Variants in ARHGEF3 observed in about 807,000 individuals in gnomAD.
The protein encoded by ARHGEF3 is 59.8 kDA protein.
A neutral mutation model predicts 63.2 loss-of-function variants in ARHGEF3; 28 were observed. The observed-to-expected ratio is 0.44, with a 90% CI of 0.33 to 0.61. The LOEUF (loss-of-function observed/expected upper bound fraction) is 0.61, where lower values mean the gene tolerates loss of function less well. Among genes scored for constraint, ARHGEF3 ranks in the 20% least tolerant of loss-of-function variants. The probability of loss-of-function intolerance (pLI) is 0.03; values close to 1 mark genes in which losing one functional copy is unlikely to be tolerated. For missense variants in ARHGEF3, 533 were observed against 659.3 expected (o/e 0.81, Z 2.10); for synonymous variants, 266 against 254.2 (o/e 1.05, Z -0.44).
intron 3 of ARHGEF3, among the ~76,000 whole-genome samples, chr3:56,898,094 C>T (rs1005697200): frequency 1.3e-5 from 2 of 151,544 alleles, no homozygotes; most frequent in Admixed American, 6.6e-5. Flanking sequence ...TGCCCAGGCT[C>T]GTCTCGAACT....
In ARHGEF3 at chr3:57,054,350, G is replaced by A. The variant is rs148911380; in HGVS notation, c.-27-19174C>T. ...TATCCTTTTAAAATTGGGTTGTCAG[G>A]TAGGTACGGTGGCTCACACCTATAA... On this transcript the variant is annotated intron_variant, in intron 1 of 12. Coordinates refer to the ARHGEF3 transcript ENST00000338458. 3.7e-3 allele frequency among the ~76,000 whole-genome samples: 564 copies of A among 152,008 alleles called. 2 individuals carry two copies. Among genetic ancestry groups the A allele is most frequent in the Non-Finnish European group, 6.1e-3 (417 of 67,976 alleles).
At chr3:56,970,429 G>A (rs1272150283) in intron 2 of ARHGEF3, among the ~76,000 whole-genome samples, 1 of 152,150 alleles carries the variant, frequency 6.6e-6, no homozygotes, top group Non-Finnish European at 1.5e-5. Flanking sequence ...GGATTTGATG[G>A]AAGCGGCTTA....
chr3:57,061,239 G>C (rs1037499049), intron 1 of ARHGEF3, among the ~76,000 whole-genome samples: 3 of 152,122 alleles, frequency 2.0e-5, no homozygotes, highest in Non-Finnish European at 4.4e-5. Context: ...CTTTTCTCAT[G>C]TAGCATAATA....
intron 3 of ARHGEF3, among the ~76,000 whole-genome samples, chr3:56,889,574 C>A (rs1005684481): frequency 5.9e-5 from 9 of 152,246 alleles, no homozygotes; most frequent in African/African-American, 2.2e-4. Context: ...AACGCTGAAG[C>A]TCAGGAAGGT....
chr3:57,036,422 G>T (rs1436782015), intron 1 of ARHGEF3, among the ~76,000 whole-genome samples: 5 of 152,112 alleles, frequency 3.3e-5, no homozygotes, highest in African/African-American at 9.7e-5. Flanking sequence ...GACAGAGACA[G>T]TGTGCACAGG....
At chr3:56,729,914 G>A (rs980495443) in intron 9 of ARHGEF3, among the ~76,000 whole-genome samples, 1 of 152,172 alleles carries the variant, frequency 6.6e-6, no homozygotes, top group African/African-American at 2.4e-5. Context: ...GAGTACTGGT[G>A]ACCCAATCTG....
intron 3 of ARHGEF3, 152 bp from the exon 4 acceptor site, chr3:56,753,718 C>G (rs1049229657): frequency 1.5e-6 from 1 of 666,020 alleles, no homozygotes; most frequent in Non-Finnish European, 2.6e-6. Flanking sequence ...TATGCTTAAA[C>G]CTGCAATGAA....
chr3:57,044,787 G>A (rs994898458), intron 1 of ARHGEF3, among the ~76,000 whole-genome samples: 10 of 152,138 alleles, frequency 6.6e-5, no homozygotes, highest in African/African-American at 2.4e-4. Context: ...ACGAGGCTTG[G>A]TGGGGATACC....
intron 3 of ARHGEF3, among the ~76,000 whole-genome samples, chr3:56,944,942 A>G (rs1437278872): frequency 2.6e-5 from 4 of 152,192 alleles, no homozygotes; most frequent in African/African-American, 9.6e-5. Flanking sequence ...TCTTGAAATG[A>G]TAACAAAGGA....
chr3:57,032,943 T>A (rs545772846), intron 2 of ARHGEF3, among the ~76,000 whole-genome samples: 46 of 152,154 alleles, frequency 3.0e-4, no homozygotes, highest in African/African-American at 1.1e-3. Context: ...GGTGGATGGG[T>A]CCCTGTGGGG....
chr3:56,992,378 A>T (rs1701786730), intron 2 of ARHGEF3, among the ~76,000 whole-genome samples: 1 of 31,540 alleles, frequency 3.2e-5, no homozygotes, highest in Non-Finnish European at 5.2e-5. Flanking sequence ...ATGGCTTTAA[A>T]AAAAAAAAAA....
At chr3:56,858,449 G>C (rs1241916607) in intron 4 of ARHGEF3, among the ~76,000 whole-genome samples, 1 of 152,116 alleles carries the variant, frequency 6.6e-6, no homozygotes, top group Non-Finnish European at 1.5e-5. Flanking sequence ...TCAGCTCTGA[G>C]GATACTGAGC....
At chr3:56,878,505 T>G (rs1371297124) in intron 4 of ARHGEF3, among the ~76,000 whole-genome samples, 1 of 152,208 alleles carries the variant, frequency 6.6e-6, no homozygotes. Context: ...AGAATTCATT[T>G]TCCACCAAGT....
chr3:56,895,745 G>A (rs963365055), intron 3 of ARHGEF3, among the ~76,000 whole-genome samples: 3 of 152,142 alleles, frequency 2.0e-5, no homozygotes, highest in South Asian at 2.1e-4. Context: ...TTACAGGCAT[G>A]AGCCACCGCA....
chr3:57,055,272 C>T (rs1282426903), intron 1 of ARHGEF3, among the ~76,000 whole-genome samples: 1 of 151,704 alleles, frequency 6.6e-6, no homozygotes, highest in African/African-American at 2.4e-5. Flanking sequence ...AGCGATTCTC[C>T]TGCCTCAGCC....
At chr3:56,930,775 G>C (rs1427656514) in intron 3 of ARHGEF3, among the ~76,000 whole-genome samples, 1 of 152,074 alleles carries the variant, frequency 6.6e-6, no homozygotes, top group Non-Finnish European at 1.5e-5. Flanking sequence ...AAGGGAAATG[G>C]GCATTTATTG....
intron 1 of ARHGEF3, among the ~76,000 whole-genome samples, chr3:56,786,406 C>A (rs556789678): frequency 1.3e-5 from 2 of 152,248 alleles, no homozygotes; most frequent in Admixed American, 1.3e-4. Flanking sequence ...TGCCCCCACA[C>A]CCCCCAAATG....
At chr3:57,038,404 G>A (rs1304275341) in intron 1 of ARHGEF3, among the ~76,000 whole-genome samples, 2 of 152,110 alleles carry the variant, frequency 1.3e-5, no homozygotes, top group Non-Finnish European at 2.9e-5. Flanking sequence ...AAGGTTGAGT[G>A]TTCAGCCCCA....
At chr3:56,970,107 T>A (rs1349416475) in intron 2 of ARHGEF3, among the ~76,000 whole-genome samples, 1 of 152,144 alleles carries the variant, frequency 6.6e-6, no homozygotes, top group Non-Finnish European at 1.5e-5. Context: ...GGTTCTGGAA[T>A]TCGATAGTGG....
Sources: gnomAD v4.1 joint callset for allele counts (sites outside exome capture counted in the v4.1 genomes callset) on GRCh38, gnomAD v4.1.1 for gene constraint, MANE v1.5 for transcripts, NCBI Gene and HGNC (gene_info 2026-07-23, HGNC 2026-07-21) for gene names.